Variants in GABRB3 observed in about 807,000 individuals in gnomAD.
GABRB3 encodes gamma-aminobutyric acid type A receptor subunit beta3, also known as gamma-aminobutyric acid receptor subunit beta-3.
GABRB3 carries 14 observed loss-of-function variants against 52.1 expected under a neutral mutation model. The observed-to-expected ratio is 0.27, with a 90% CI of 0.18 to 0.42. GABRB3 has a LOEUF of 0.42. GABRB3 is among the 10% of genes least tolerant of loss of function. The pLI, the probability that GABRB3 is intolerant of heterozygous loss-of-function variation, is 1.00. For missense variants in GABRB3, 307 were observed against 609.1 expected (o/e 0.50, Z 5.22); for synonymous variants, 260 against 232.3 (o/e 1.12, Z -1.08).
intron 4 of GABRB3, among the ~76,000 whole-genome samples, chr15:26,585,719 T>C (rs1051237625): frequency 1.3e-5 from 2 of 152,224 alleles, no homozygotes; most frequent in African/African-American, 4.8e-5. Flanking sequence ...ACACTTCCCC[T>C]TATCCATGGA....
chr15:26,764,512 AT>A (rs1177643903), intron 3 of GABRB3, among the ~76,000 whole-genome samples: 2 of 152,082 alleles, frequency 1.3e-5, no homozygotes. Context: ...AAAGAGATAC[AT>A]TAGTTAACGT....
chr15:26,671,714 G>GAC (rs2140632082), intron 3 of GABRB3, among the ~76,000 whole-genome samples: 1 of 152,250 alleles, frequency 6.6e-6, no homozygotes, highest in East Asian at 1.9e-4. Context: ...TTTTATGGTT[G>GAC]ACATGTTTTC....
chr15:26,752,235 T>C (rs547834875), intron 3 of GABRB3, among the ~76,000 whole-genome samples: 24 of 122,352 alleles, frequency 2.0e-4, no homozygotes, highest in African/African-American at 1.0e-3. Context: ...TTTATTTTAT[T>C]TATTTATTTA....
rs916889627 is a variant in GABRB3 at position 26,715,662 on chromosome 15, T to A, written c.240+56740A>T. Among the ~76,000 whole-genome samples, 21 of 152,336 alleles carry A rather than the reference T, an allele frequency of 1.4e-4. No homozygotes were observed. In the East Asian group the frequency reaches 4.1e-3, roughly 29 times the overall value. ...TGTTTTCAGATAAAATTATAGATAA[T>A]GAAATGCTAGAAAATGTTGTTAAGG... On this transcript the variant is annotated intron_variant, in intron 3 of 8. Transcript: ENST00000311550.
intron 3 of GABRB3, among the ~76,000 whole-genome samples, chr15:26,722,047 AT>A (rs1020138817): frequency 6.6e-6 from 1 of 152,024 alleles, no homozygotes; most frequent in South Asian, 2.1e-4. Context: ...AATGCAATCC[AT>A]TTTTTTTAAT....
At chr15:26,580,966 T>C (rs1256031350) in intron 5 of GABRB3, among the ~76,000 whole-genome samples, 2 of 152,142 alleles carry the variant, frequency 1.3e-5, no homozygotes, top group South Asian at 2.1e-4. Flanking sequence ...ATTTGGATGG[T>C]TTTATCAGCT....
chr15:26,560,314 C>T lies in GABRB3; in HGVS notation c.1080+618G>A, dbSNP rs34705372. ...TTTAAAAAACCATTAGGCCCTGTTACTCACTTCTGTAAGTGGAGAATTCAG... is the reference window on the plus strand; with the variant it reads ...TTTAAAAAACCATTAGGCCCTGTTATTCACTTCTGTAAGTGGAGAATTCAG... On this transcript the variant is annotated intron_variant, in intron 8 of 8. Coordinates refer to ENST00000311550, the MANE Select transcript of GABRB3 (RefSeq NM_000814.6). Among the ~76,000 whole-genome samples, 6 of 152,258 alleles carry T rather than the reference C, an allele frequency of 3.9e-5. No homozygotes were observed. In the East Asian group the frequency reaches 1.2e-3, roughly 30 times the overall value.
chr15:26,548,415 TC>T (rs1333350769), intron 8 of GABRB3, among the ~76,000 whole-genome samples: 1 of 152,184 alleles, frequency 6.6e-6, no homozygotes, highest in Non-Finnish European at 1.5e-5. Flanking sequence ...TGGATACAAA[TC>T]CTTACTGAAA....
intron 3 of GABRB3, among the ~76,000 whole-genome samples, chr15:26,627,062 T>C (rs1212370267): frequency 6.6e-6 from 1 of 152,192 alleles, no homozygotes. Flanking sequence ...TTGAAGCCAA[T>C]GCTCACCCAC....
At chr15:26,743,453 C>T (rs893709583) in intron 3 of GABRB3, among the ~76,000 whole-genome samples, 1 of 152,112 alleles carries the variant, frequency 6.6e-6, no homozygotes, top group Non-Finnish European at 1.5e-5. Flanking sequence ...TGTTATTTAA[C>T]CATACAATCT....
chr15:26,680,017 A>G (rs1888188773), intron 3 of GABRB3, among the ~76,000 whole-genome samples: 1 of 152,246 alleles, frequency 6.6e-6, no homozygotes, highest in South Asian at 2.1e-4. Flanking sequence ...CTGTTCAAAC[A>G]CAAGTCTAGA....
chr15:26,565,155 C>T (rs1890119231), intron 7 of GABRB3, among the ~76,000 whole-genome samples: 1 of 140,530 alleles, frequency 7.1e-6, no homozygotes, highest in South Asian at 2.2e-4. Flanking sequence ...CTTTATTAAT[C>T]TTGTCTGTTG....
chr15:26,564,184 A>C lies in GABRB3; in HGVS notation c.836-3008T>G, dbSNP rs186770452. Among the ~76,000 whole-genome samples, 938 of 152,270 alleles carry C rather than the reference A, an allele frequency of 6.2e-3. 5 individuals are homozygous for C. The highest frequency in any genetic ancestry group is 8.6e-3 in the Non-Finnish European group (582 of 68,030). On this transcript the variant is annotated intron_variant, in intron 7 of 8. Transcript: ENST00000311550. The stretch of plus-strand genomic sequence containing the variant: ...TTTTGGATTAGGGATGCTCAAACTA[A>C]GTATAATGCAGATACTCCAAAAGTA...
intron 4 of GABRB3, among the ~76,000 whole-genome samples, chr15:26,584,627 C>A (rs1013588059): frequency 6.6e-6 from 1 of 152,192 alleles, no homozygotes; most frequent in African/African-American, 2.4e-5. Flanking sequence ...TAAGGCTCCA[C>A]CATGCAATGG....
intron 3 of GABRB3, among the ~76,000 whole-genome samples, chr15:26,698,390 A>C (rs2140676051): frequency 6.6e-6 from 1 of 152,314 alleles, no homozygotes; most frequent in African/African-American, 2.4e-5. Flanking sequence ...TGAATTCCAA[A>C]GTGAAATCTA....
intron 3 of GABRB3, among the ~76,000 whole-genome samples, chr15:26,653,778 C>T (rs1272260045): frequency 1.3e-5 from 2 of 152,198 alleles, no homozygotes; most frequent in Non-Finnish European, 2.9e-5. Flanking sequence ...CAGAACTATG[C>T]ATGTAAAGTT....
chr15:26,561,962 T>C (rs1169864511), intron 7 of GABRB3, among the ~76,000 whole-genome samples: 2 of 152,256 alleles, frequency 1.3e-5, no homozygotes, highest in Non-Finnish European at 2.9e-5. Context: ...TAAATGTCGT[T>C]ATGTTGAATT....
chr15:26,733,339 A>G (rs182421072), intron 3 of GABRB3, among the ~76,000 whole-genome samples: 176 of 152,292 alleles, frequency 1.2e-3, no homozygotes, highest in Non-Finnish European at 2.2e-3. Context: ...TCAACACACA[A>G]AAATTACCTG....
intron 3 of GABRB3, among the ~76,000 whole-genome samples, chr15:26,754,353 T>A (rs771349452): frequency 1.3e-5 from 2 of 152,006 alleles, no homozygotes; most frequent in African/African-American, 2.4e-5. Context: ...CAGAGAGAGA[T>A]CAGAAGTAGT....
Sources: gnomAD v4.1 joint callset for allele counts (sites outside exome capture counted in the v4.1 genomes callset) on GRCh38, gnomAD v4.1.1 for gene constraint, MANE v1.5 for transcripts, NCBI Gene and HGNC (gene_info 2026-07-23, HGNC 2026-07-21) for gene names.